The following TPRG1 variants were observed in gnomAD, a reference collection of about 807,000 sequenced individuals.
TPRG1 encodes the protein tumor protein p63-regulated gene 1 protein.
In TPRG1, 29 loss-of-function variants were observed where a neutral mutation model predicts 29.3. The ratio of observed to expected loss-of-function variants is 0.99; its 90% CI spans 0.74 to 1.35. The LOEUF (loss-of-function observed/expected upper bound fraction) is 1.35. TPRG1 is among the 40% of genes most tolerant of loss of function. The pLI, the probability that TPRG1 is intolerant of heterozygous loss-of-function variation, is 0.00. For missense variants in TPRG1, 327 were observed against 335.0 expected (o/e 0.98, Z 0.19); for synonymous variants, 130 against 116.8 (o/e 1.11, Z -0.73).
intron 2 of TPRG1, among the ~76,000 whole-genome samples, 191 bp downstream of exon 2, chr3:189,207,785 A>G (rs1375298222): frequency 2.0e-5 from 3 of 152,198 alleles, no homozygotes; most frequent in African/African-American, 4.8e-5. Flanking sequence ...TTAAAGATCT[A>G]TGTTTGATTC....
intron 4 of TPRG1, among the ~76,000 whole-genome samples, chr3:189,252,738 T>C (rs1742489628): frequency 6.6e-6 from 1 of 152,204 alleles, no homozygotes; most frequent in Non-Finnish European, 1.5e-5. Context: ...GAGACCTAAC[T>C]CATAGGGTCA....
intron 3 of TPRG1, among the ~76,000 whole-genome samples, chr3:189,231,145 G>T (rs370089061): frequency 1.7e-4 from 26 of 151,988 alleles, no homozygotes; most frequent in African/African-American, 5.8e-4. Flanking sequence ...TTAAGTCAGA[G>T]TAACTTAAGT....
intron 3 of TPRG1, among the ~76,000 whole-genome samples, chr3:189,009,293 C>A (rs1344063781): frequency 6.6e-6 from 1 of 151,960 alleles, no homozygotes; most frequent in Non-Finnish European, 1.5e-5. Flanking sequence ...AAAACTTAAC[C>A]CTATTAACTC....
chr3:189,002,589 T>C (rs369144151), intron 2 of TPRG1, among the ~76,000 whole-genome samples: 2 of 152,128 alleles, frequency 1.3e-5, no homozygotes, highest in African/African-American at 4.8e-5. Context: ...ATATGCAGCA[T>C]CCCAAATGCC....
intron 3 of TPRG1, among the ~76,000 whole-genome samples, chr3:189,022,160 C>T (rs917988769): frequency 2.0e-5 from 3 of 152,136 alleles, no homozygotes; most frequent in African/African-American, 7.2e-5. Flanking sequence ...TTTTCATCTT[C>T]TTTGCCTTTG....
chr3:189,092,153 C>T (rs531812672), intron 4 of TPRG1, among the ~76,000 whole-genome samples: 137 of 152,130 alleles, frequency 9.0e-4, no homozygotes, highest in African/African-American at 3.2e-3. Flanking sequence ...TGCAGTTTAT[C>T]AGTGATTTTT....
chr3:189,077,221 A>G (rs1717237399), intron 4 of TPRG1, among the ~76,000 whole-genome samples: 1 of 152,186 alleles, frequency 6.6e-6, no homozygotes, highest in Non-Finnish European at 1.5e-5. Context: ...AGATTTAAAC[A>G]GCAATGTTTA....
intron 5 of TPRG1, among the ~76,000 whole-genome samples, chr3:189,165,162 C>T (rs529057859): frequency 1.3e-5 from 2 of 152,024 alleles, no homozygotes; most frequent in African/African-American, 2.4e-5. Context: ...TACCTAGGAA[C>T]GTTTATATCA....
intron 4 of TPRG1, among the ~76,000 whole-genome samples, chr3:189,033,285 T>C (rs1168186135): frequency 4.6e-5 from 7 of 151,972 alleles, no homozygotes; most frequent in Admixed American, 4.6e-4. Context: ...CCTTTTTTTT[T>C]TTTTTTAATT....
At chr3:189,277,043 T>G (rs1350160996) in intron 4 of TPRG1, among the ~76,000 whole-genome samples, 5 of 152,146 alleles carry the variant, frequency 3.3e-5, no homozygotes, top group Admixed American at 6.5e-5. Flanking sequence ...ATTGCAGCAC[T>G]GGGTGAGACG....
At chr3:189,078,894 G>A (rs756594801) in intron 4 of TPRG1, among the ~76,000 whole-genome samples, 2 of 152,276 alleles carry the variant, frequency 1.3e-5, no homozygotes, top group South Asian at 2.1e-4. Flanking sequence ...ATAGTGTGGT[G>A]TTTGGCATGG....
At chr3:189,218,231 A>G (rs552872389) in intron 3 of TPRG1, among the ~76,000 whole-genome samples, 2 of 151,960 alleles carry the variant, frequency 1.3e-5, no homozygotes, top group South Asian at 4.2e-4. Flanking sequence ...CTCCTGCCTC[A>G]GCCTCCTGAG....
rs117469680 is a variant in TPRG1 at position 189,267,475 on chromosome 3, C to T, written c.479+28566C>T. The stretch of plus-strand genomic sequence containing the variant: ...ACAAAGCCCAAAATAAAGATGTAAG[C>T]AACATATTGTGAGAGCATAGACAAG... On this transcript the variant is annotated intron_variant, in intron 4 of 5. Coordinates refer to ENST00000345063, the MANE Select transcript of TPRG1 (RefSeq NM_198485.4). The T allele has an allele frequency of 2.0e-5, 3 of 152,206 alleles. No individual in the cohort carries two copies. In the East Asian group the frequency reaches 5.8e-4, roughly 29 times the overall value. 9.4% of individuals were successfully genotyped at this position (152,206 alleles called of 1,614,324 possible).
chr3:189,287,022 T>C (rs1248651631), intron 4 of TPRG1, among the ~76,000 whole-genome samples: 1 of 152,102 alleles, frequency 6.6e-6, no homozygotes, highest in African/African-American at 2.4e-5. Flanking sequence ...TCAGGATTGA[T>C]GGCTCACGGA....
At chr3:189,101,324 A>G (rs1010753194) in intron 1 of TPRG1, among the ~76,000 whole-genome samples, 23 of 152,018 alleles carry the variant, frequency 1.5e-4, no homozygotes, top group Non-Finnish European at 8.8e-5. Flanking sequence ...TCTCACCCTA[A>G]ATTTGGAGCT....
chr3:189,293,469 G>T (rs1719353721), intron 4 of TPRG1, among the ~76,000 whole-genome samples: 1 of 152,100 alleles, frequency 6.6e-6, no homozygotes, highest in South Asian at 2.1e-4. Flanking sequence ...GAAAGGTGTG[G>T]CGGGAAAGGG....
At chr3:189,218,182 G>A (rs745866183) in intron 3 of TPRG1, among the ~76,000 whole-genome samples, 38 of 152,026 alleles carry the variant, frequency 2.5e-4, no homozygotes, top group Non-Finnish European at 3.8e-4. Context: ...GCGCAATCTC[G>A]GCTCACTGCA....
intron 3 of TPRG1, among the ~76,000 whole-genome samples, chr3:189,014,638 T>C (rs1482336147): frequency 1.3e-5 from 2 of 152,148 alleles, no homozygotes; most frequent in Non-Finnish European, 2.9e-5. Context: ...TCCCTTGCTG[T>C]TCTCATGATT....
chr3:189,184,684 A>G (rs1189214453), intron 1 of TPRG1, among the ~76,000 whole-genome samples: 3 of 152,178 alleles, frequency 2.0e-5, no homozygotes, highest in African/African-American at 7.2e-5. Flanking sequence ...TCCTCATTAA[A>G]ATCTTCCCGT....
Sources: allele counts gnomAD v4.1 joint callset (sites outside exome capture counted in the v4.1 genomes callset), GRCh38; gene constraint gnomAD v4.1.1; transcripts MANE v1.5; gene names NCBI Gene and HGNC (gene_info 2026-07-23, HGNC 2026-07-21).